The following PAAF1 variants were observed in gnomAD, a reference collection of about 807,000 sequenced individuals.
The protein encoded by PAAF1 is proteasomal ATPase associated factor 1.
A neutral mutation model predicts 52.8 loss-of-function variants in PAAF1; 46 were observed. The ratio of observed to expected loss-of-function variants is 0.87; its 90% CI spans 0.69 to 1.11. PAAF1 has a LOEUF of 1.11. Ranked by LOEUF, PAAF1 falls within the 50% of genes most tolerant of loss-of-function variation. The pLI, the probability that PAAF1 is intolerant of heterozygous loss-of-function variation, is 0.00. For synonymous variants in PAAF1, 178 were observed against 172.8 expected (o/e 1.03, Z -0.24); for missense variants, 424 against 477.4 (o/e 0.89, Z 1.04).
intron 6 of PAAF1, among the ~76,000 whole-genome samples, chr11:73,901,490 G>A (rs1355226735): frequency 3.9e-5 from 6 of 152,074 alleles, no homozygotes; most frequent in Admixed American, 1.3e-4. Context: ...TACATATTGC[G>A]TGTACCACTC....
chr11:73,902,692 A>G (rs1949654805), intron 6 of PAAF1, among the ~76,000 whole-genome samples: 1 of 151,946 alleles, frequency 6.6e-6, no homozygotes, highest in Non-Finnish European at 1.5e-5. Context: ...AATGTTATTT[A>G]TTTATTTATT....
intron 2 of PAAF1, among the ~76,000 whole-genome samples, chr11:73,885,100 C>T (rs1949024630): frequency 1.3e-5 from 2 of 151,002 alleles, no homozygotes; most frequent in African/African-American, 4.9e-5. Flanking sequence ...ACCTCGTGAT[C>T]CACCCGCCTC....
chr11:73,906,544 C>T (rs971210574), intron 6 of PAAF1, among the ~76,000 whole-genome samples: 1 of 152,154 alleles, frequency 6.6e-6, no homozygotes, highest in Non-Finnish European at 1.5e-5. Flanking sequence ...AGGCACTGTA[C>T]CTGGCCTGGA....
chr11:73,895,245 G>C (rs189260670), intron 4 of PAAF1, among the ~76,000 whole-genome samples: 477 of 152,192 alleles, frequency 3.1e-3, no homozygotes, highest in Non-Finnish European at 4.2e-3. Flanking sequence ...CTGAGAAGTA[G>C]GTGAATTGTG....
intron 11 of PAAF1, among the ~76,000 whole-genome samples, chr11:73,926,794 TG>T (rs923457504): frequency 2.6e-5 from 4 of 152,146 alleles, no homozygotes; most frequent in Non-Finnish European, 5.9e-5. Context: ...AACTGGGGCC[TG>T]GGGGGTTGAG....
intron 10 of PAAF1, chr11:73,922,169 G>T: frequency 1.1e-6 from 1 of 904,258 alleles, no homozygotes; most frequent in Non-Finnish European, 1.8e-6. Flanking sequence ...CAGGATCCAT[G>T]AGAGAAGAGT....
intron 3 of PAAF1, 58 bp downstream of exon 3, chr11:73,887,515 A>T: frequency 9.1e-7 from 1 of 1,099,934 alleles, no homozygotes; most frequent in South Asian, 1.5e-5. Context: ...GTACCCAAAC[A>T]TCTACCTTAG....
chr11:73,882,175 C>G (rs1437244914), intron 2 of PAAF1, among the ~76,000 whole-genome samples: 5 of 151,928 alleles, frequency 3.3e-5, no homozygotes, highest in Non-Finnish European at 5.9e-5. Context: ...GCCACTGTGC[C>G]CCGCAATTTT....
intron 3 of PAAF1, among the ~76,000 whole-genome samples, chr11:73,890,193 G>A (rs1377847262): frequency 2.0e-5 from 3 of 152,156 alleles, no homozygotes; most frequent in South Asian, 2.1e-4. Context: ...TGATAGTATT[G>A]GTATTATGCT....
intron 2 of PAAF1, among the ~76,000 whole-genome samples, chr11:73,882,807 G>A (rs1327091815): frequency 6.6e-6 from 1 of 152,122 alleles, no homozygotes; most frequent in East Asian, 1.9e-4. Flanking sequence ...GTTTCACCGT[G>A]TTAAGCAGGA....
At position 73,888,746 on chromosome 11, in the gene PAAF1, T is replaced by C. The variant is rs530296907; in HGVS notation, c.192+1289T>C. The C allele has an allele frequency of 8.7e-4, 214 of 246,144 alleles. 1 individual carries two copies. Among genetic ancestry groups the C allele is most frequent in the East Asian group, 3.1e-4 (4 of 13,066 alleles). The allele number at this position is 246,144 out of a possible 1,614,324, so 15.2% of individuals were successfully genotyped here. A position where few individuals can be genotyped will look rare whatever the true frequency, so the allele number is the denominator to read the frequency against. The stretch of plus-strand genomic sequence containing the variant: ...TTTTCATAAACAGCTATGGGTATTA[T>C]AGGTATCAGAAGATCTAAGTCTTAG... On this transcript the variant is annotated intron_variant, in intron 3 of 11. Coordinates refer to ENST00000310571, the MANE Select transcript of PAAF1 (RefSeq NM_025155.3).
intron 10 of PAAF1, among the ~76,000 whole-genome samples, chr11:73,920,296 G>A (rs1013223737): frequency 3.3e-5 from 5 of 152,088 alleles, no homozygotes; most frequent in Non-Finnish European, 4.4e-5. Context: ...CATTTTGGGA[G>A]GCTGAGGCGG....
intron 11 of PAAF1, among the ~76,000 whole-genome samples, chr11:73,925,044 A>T (rs1179119731): frequency 6.6e-6 from 1 of 151,018 alleles, no homozygotes; most frequent in East Asian, 1.9e-4. Flanking sequence ...AGTTCCAGTT[A>T]CTTGGGAGGC....
chr11:73,906,448 G>A (rs1250891381), intron 6 of PAAF1, among the ~76,000 whole-genome samples: 1 of 152,006 alleles, frequency 6.6e-6, no homozygotes. Context: ...GACGGGTTTC[G>A]CTACGTTGGC....
At chr11:73,916,340 C>A (rs184151882) in intron 8 of PAAF1, among the ~76,000 whole-genome samples, 1,914 of 152,262 alleles carry the variant, frequency 0.013, 44 homozygotes, top group Non-Finnish European at 0.013. Context: ...TGCTCAAGTC[C>A]TTAGTCAACC....
At chr11:73,892,168 A>G (rs1434749641) in intron 4 of PAAF1, among the ~76,000 whole-genome samples, 4 of 152,028 alleles carry the variant, frequency 2.6e-5, no homozygotes, top group Non-Finnish European at 4.4e-5. Context: ...ACAGAAAAAT[A>G]CAAAAATTAG....
At chr11:73,876,968 G>A (rs1465519451), upstream of PAAF1, 10 of 1,485,122 alleles carry the variant, frequency 6.7e-6, no homozygotes, top group Non-Finnish European at 9.0e-6. Flanking sequence ...CGCTTCTCGG[G>A]GACTCACTTC....
At chr11:73,920,369 CA>C (rs1233701045) in intron 10 of PAAF1, among the ~76,000 whole-genome samples, 3 of 151,594 alleles carry the variant, frequency 2.0e-5, no homozygotes, top group Non-Finnish European at 4.4e-5. Flanking sequence ...CCTGTCTCTA[CA>C]AAAAATAAAA....
intron 11 of PAAF1, 41 bp downstream of exon 11, chr11:73,924,738 G>A: frequency 6.6e-7 from 1 of 1,507,768 alleles, no homozygotes; most frequent in Non-Finnish European, 9.2e-7. Flanking sequence ...TGATTCTCAT[G>A]AGAGATCTAG....
Sources: allele counts gnomAD v4.1 joint callset (sites outside exome capture counted in the v4.1 genomes callset), GRCh38; gene constraint gnomAD v4.1.1; transcripts MANE v1.5; gene names NCBI Gene and HGNC (gene_info 2026-07-23, HGNC 2026-07-21).